CELF4: variants seen among roughly 807,000 people sequenced by gnomAD.
CELF4 encodes CUG-BP- and ETR-3-like factor 4.
A neutral mutation model predicts 59.9 loss-of-function variants in CELF4; 18 were observed. That is an observed-to-expected ratio of 0.30 (90% CI 0.21 to 0.45). The LOEUF (loss-of-function observed/expected upper bound fraction) is 0.45. CELF4 is among the 20% of genes least tolerant of loss of function. The pLI is 1.00. For missense variants in CELF4, 456 were observed against 689.0 expected, an observed-to-expected ratio of 0.66 and a Z score of 3.79; for synonymous variants, 261 against 267.1, an observed-to-expected ratio of 0.98 and a Z score of 0.22.
intron 1 of CELF4, among the ~76,000 whole-genome samples, chr18:37,558,187 G>A (rs1330249613): frequency 6.6e-6 from 1 of 151,582 alleles, no homozygotes; most frequent in Non-Finnish European, 1.5e-5. Flanking sequence ...CTACTTTTGA[G>A]GACTCAAAAA....
At chr18:37,359,280 C>T (rs2098661016) in intron 2 of CELF4, among the ~76,000 whole-genome samples, 1 of 152,162 alleles carries the variant, frequency 6.6e-6, no homozygotes. Flanking sequence ...CAGTGGTCAC[C>T]TCTGGGTGTG....
chr18:37,513,733 C>T (rs753504943), intron 1 of CELF4, among the ~76,000 whole-genome samples: 1 of 152,162 alleles, frequency 6.6e-6, no homozygotes, highest in Non-Finnish European at 1.5e-5. Context: ...GAATACCCTC[C>T]CTAGCACTTT....
chr18:37,263,726 C>T (rs1399965293), intron 10 of CELF4, among the ~76,000 whole-genome samples: 1 of 152,054 alleles, frequency 6.6e-6, no homozygotes, highest in Non-Finnish European at 1.5e-5. Context: ...CCTGTTCACA[C>T]CAGGGCCTTG....
At chr18:37,392,802 C>T (rs1225888892) in intron 2 of CELF4, among the ~76,000 whole-genome samples, 1 of 152,224 alleles carries the variant, frequency 6.6e-6, no homozygotes, top group African/African-American at 2.4e-5. Flanking sequence ...CTCAAAGTCA[C>T]CTCAGTAGGG....
intron 1 of CELF4, among the ~76,000 whole-genome samples, chr18:37,546,012 A>G (rs1390567366): frequency 6.6e-6 from 1 of 152,076 alleles, no homozygotes; most frequent in African/African-American, 2.4e-5. Context: ...TTCTCCCCAC[A>G]TACTTTTCCC....
chr18:37,294,649 C>T (rs2095538111), intron 3 of CELF4, among the ~76,000 whole-genome samples: 1 of 152,202 alleles, frequency 6.6e-6, no homozygotes, highest in Admixed American at 6.5e-5. Context: ...TTTTTAGAAT[C>T]CAGCCTCTTC....
chr18:37,481,686 C>A (rs540788861), intron 2 of CELF4, among the ~76,000 whole-genome samples: 5 of 152,326 alleles, frequency 3.3e-5, no homozygotes, highest in African/African-American at 4.8e-5. Context: ...GGCCGTTTCT[C>A]GGACCAGTGC....
intron 2 of CELF4, among the ~76,000 whole-genome samples, chr18:37,359,526 GT>G (rs1218799402): frequency 2.0e-5 from 3 of 152,088 alleles, no homozygotes; most frequent in Admixed American, 6.5e-5. Context: ...TAGAGACAGG[GT>G]CTCGCTATGT....
Position 37,270,869 on chromosome 18 carries a change from G to A in CELF4, c.998C>T (p.Pro333Leu). Residue 333 changes from proline (P) to leucine (L), a missense_variant, in exon 8 of 13, where the codon CCA becomes CTA. This residue lies in a region of CELF4 where 256 missense variants were observed against 340.8 expected (regional missense o/e 0.75). Transcript: ENST00000420428. ...GAAGCCATTCACCCCAATGGGGGAT[G>A]GGATGCTAGGCACGGCTGGTGCAGT... is the stretch of plus-strand genomic sequence containing the variant. The part of the protein sequence containing the change: ...GITAPAVPSI[P>L]SPIGVNGFTG... The A allele has an allele frequency of 6.2e-7, 1 of 1,613,536 alleles. No individual in the cohort carries two copies. The highest frequency in any genetic ancestry group is 8.5e-7 in the Non-Finnish European group (1 of 1,179,904).
chr18:37,416,050 G>T (rs999112716), intron 2 of CELF4, among the ~76,000 whole-genome samples: 1 of 152,170 alleles, frequency 6.6e-6, no homozygotes, highest in African/African-American at 2.4e-5. Flanking sequence ...ACAGCAAAGG[G>T]TGGTGGAAAG....
At chr18:37,286,342 G>T (rs2094763781) in intron 3 of CELF4, among the ~76,000 whole-genome samples, 1 of 152,072 alleles carries the variant, frequency 6.6e-6, no homozygotes, top group African/African-American at 2.4e-5. Context: ...CTGTGTGTGG[G>T]GCAGTGGTCG....
chr18:37,344,152 C>T (rs113543070), intron 2 of CELF4, among the ~76,000 whole-genome samples: 3,046 of 152,302 alleles, frequency 0.02, 112 homozygotes, highest in African/African-American at 0.07. Context: ...GAGCCTTCCT[C>T]GAGAGGTTGA....
chr18:37,293,487 T>C (rs2095467443), intron 3 of CELF4, among the ~76,000 whole-genome samples: 1 of 152,234 alleles, frequency 6.6e-6, no homozygotes, highest in Non-Finnish European at 1.5e-5. Flanking sequence ...TTAGGGCCAG[T>C]ATGAATCCAG....
At chr18:37,544,289 C>T (rs2099979803) in intron 1 of CELF4, among the ~76,000 whole-genome samples, 1 of 152,080 alleles carries the variant, frequency 6.6e-6, no homozygotes, top group Non-Finnish European at 1.5e-5. Context: ...GTGTAAATTC[C>T]CGTTTGCTAG....
intron 2 of CELF4, among the ~76,000 whole-genome samples, chr18:37,467,511 G>C (rs1203888241): frequency 6.6e-6 from 1 of 152,268 alleles, no homozygotes; most frequent in Non-Finnish European, 1.5e-5. Flanking sequence ...ATGGCCACGT[G>C]GACCAGGCTG....
chr18:37,443,111 C>T (rs532638339), intron 2 of CELF4, among the ~76,000 whole-genome samples: 7 of 152,242 alleles, frequency 4.6e-5, no homozygotes, highest in Non-Finnish European at 1.0e-4. Flanking sequence ...GAGAACCTGA[C>T]GGGAGTGGGG....
chr18:37,539,448 GAC>G (rs35598472), intron 1 of CELF4, among the ~76,000 whole-genome samples: 280 of 134,776 alleles, frequency 2.1e-3, no homozygotes, highest in African/African-American at 7.4e-3. Flanking sequence ...GCACCTCTAA[GAC>G]ACACACACAC....
At chr18:37,262,054 T>C (rs2074898323) in intron 10 of CELF4, among the ~76,000 whole-genome samples, 1 of 152,178 alleles carries the variant, frequency 6.6e-6, no homozygotes, top group Non-Finnish European at 1.5e-5. Context: ...ATGCTCACCT[T>C]GGACTCTGCA....
At chr18:37,277,576 C>T (rs8091122) in intron 3 of CELF4, among the ~76,000 whole-genome samples, 79,366 of 151,956 alleles carry the variant, frequency 0.52, 23,394 homozygotes, top group Non-Finnish European at 0.67. Context: ...ACAAGAGAAT[C>T]AGAGGCAAAG....
Sources: allele counts gnomAD v4.1 joint callset (sites outside exome capture counted in the v4.1 genomes callset), GRCh38; gene constraint gnomAD v4.1.1; regional missense constraint gnomAD v4.1.1; transcripts MANE v1.5; gene names NCBI Gene and HGNC (gene_info 2026-07-23, HGNC 2026-07-21).